The following ARFGEF2 variants were observed in gnomAD, a reference collection of about 807,000 sequenced individuals.
ARFGEF2 encodes the protein brefeldin A-inhibited guanine nucleotide-exchange protein 2.
ARFGEF2 carries 74 observed loss-of-function variants against 219.9 expected under a neutral mutation model. That is an observed-to-expected ratio of 0.34 (90% CI 0.28 to 0.41). The LOEUF (loss-of-function observed/expected upper bound fraction) is 0.41, where lower values mean the gene tolerates loss of function less well. Ranked by LOEUF, ARFGEF2 falls within the 10% of genes least tolerant of loss-of-function variation. The pLI is 1.00. For synonymous variants in ARFGEF2, 733 were observed against 799.2 expected (o/e 0.92, Z 1.40); for missense variants, 1,743 against 2,218.3 (o/e 0.79, Z 4.30).
Position 48,969,127 on chromosome 20 carries a change from A to T in ARFGEF2, c.1060-20A>T. The stretch of plus-strand genomic sequence containing the variant: ...AGGTGGGTGCCACCACACCCAGCTG[A>T]TGTTTGTTTCTGATCCTAGGAATCG... On this transcript the variant is annotated intron_variant, in intron 8 of 38. Transcript: ENST00000371917. 6.2e-7 allele frequency: 1 copy of T among 1,613,338 alleles called. No individual in the cohort carries two copies. The highest frequency in any genetic ancestry group is 8.5e-7 in the Non-Finnish European group (1 of 1,179,738).
At chr20:48,947,968 C>T (rs1199272840) in intron 3 of ARFGEF2, among the ~76,000 whole-genome samples, 1 of 152,174 alleles carries the variant, frequency 6.6e-6, no homozygotes, top group African/African-American at 2.4e-5. Flanking sequence ...CTTTTTACAT[C>T]CCAGTGAAGG....
intron 12 of ARFGEF2, 105 bp from the exon 13 acceptor site, chr20:48,974,661 C>G (rs755322261): frequency 1.6e-5 from 13 of 827,698 alleles, no homozygotes; most frequent in Non-Finnish European, 2.4e-5. Context: ...CACTGACTGT[C>G]AGTGATTTCT....
chr20:48,985,642 A>C (rs1379091086), intron 16 of ARFGEF2, 29 bp downstream of exon 16: 2 of 1,610,204 alleles, frequency 1.2e-6, no homozygotes, highest in African/African-American at 2.7e-5. Flanking sequence ...TCCCTTCCAG[A>C]TCATCTGTTT....
intron 6 of ARFGEF2, among the ~76,000 whole-genome samples, chr20:48,962,030 A>G (rs1020630422): frequency 8.6e-5 from 13 of 151,204 alleles, no homozygotes; most frequent in African/African-American, 2.9e-4. Flanking sequence ...AATACAAAAA[A>G]TTAGCTGGGC....
At chr20:48,970,632 A>T (rs1000967614) in intron 9 of ARFGEF2, among the ~76,000 whole-genome samples, 2 of 152,040 alleles carry the variant, frequency 1.3e-5, no homozygotes, top group Non-Finnish European at 2.9e-5. Flanking sequence ...ATAAATAAAT[A>T]AAATAAAATA....
chr20:49,033,057 T>C lies in ARFGEF2; in HGVS notation c.5216T>C (p.Leu1739Ser). The C allele has an allele frequency of 6.2e-7, 1 of 1,614,180 alleles. No homozygotes were observed. Among genetic ancestry groups the C allele is most frequent in the Non-Finnish European group, 8.5e-7 (1 of 1,180,018 alleles). The stretch of plus-strand genomic sequence containing the variant: ...CATGCTTCAATGTACTACCCCTACT[T>C]GTGTGAAATTATGCAGTTTGACCTG... ...KAHASMYYPY[L>S]CEIMQFDLIP... is the part of the protein sequence containing the mutation. The change falls in exon 39 of 39, where the codon TTG becomes TCG. Residue 1739 changes from leucine (L) to serine (S), a missense_variant. Physicochemically the swap from Leu to Ser is moderately radical, Grantham distance 145. This residue lies in a region of ARFGEF2 where 578 missense variants were observed against 664.0 expected (regional missense o/e 0.87). Coordinates refer to ENST00000371917, the MANE Select transcript of ARFGEF2 (RefSeq NM_006420.3).
chr20:48,937,325 C>T (rs950702736), intron 1 of ARFGEF2, among the ~76,000 whole-genome samples: 14 of 152,368 alleles, frequency 9.2e-5, no homozygotes, highest in African/African-American at 3.1e-4. Flanking sequence ...TGGGCTTCCT[C>T]CCATCCCTTA....
chr20:48,989,024 A>G (rs768163234), intron 18 of ARFGEF2, among the ~76,000 whole-genome samples: 1 of 152,156 alleles, frequency 6.6e-6, no homozygotes, highest in Non-Finnish European at 1.5e-5. Context: ...GTAGTGGTTT[A>G]GAGTGTGGCT....
chr20:49,010,353 C>A lies in ARFGEF2; in HGVS notation c.3706C>A (p.His1236Asn). Reference sequence around the variant, plus strand: ...CGTGTTCCACCAGGCAGCCTCTGATCATGATGGGAACATTGTGGAGCTGGC... The same window carrying A: ...CGTGTTCCACCAGGCAGCCTCTGATAATGATGGGAACATTGTGGAGCTGGC... Reference protein sequence around the residue: ...FAVFHQAASDHDGNIVELAFQ... With the variant: ...FAVFHQAASDNDGNIVELAFQ... Residue 1236 changes from histidine (H) to asparagine (N), a missense_variant, in exon 27 of 39, where the codon CAT (histidine) becomes AAT (asparagine). His to Asn is a moderately conservative substitution (Grantham distance 68, BLOSUM62 1). Transcript: ENST00000371917. 6.2e-7 allele frequency: 1 copy of A among 1,614,214 alleles called. No individual in the cohort carries two copies. The highest frequency in any genetic ancestry group is 8.5e-7 in the Non-Finnish European group (1 of 1,180,044).
In ARFGEF2 at chr20:48,963,874, G is replaced by GTAC; in HGVS notation, c.883_884insTAC (p.Asp295delinsValHis). 6.2e-7 allele frequency: 1 copy of GTAC among 1,614,008 alleles called. No homozygotes were observed. Among genetic ancestry groups the GTAC allele is most frequent in the South Asian group, 1.1e-5 (1 of 91,066 alleles). On this transcript the variant is annotated protein_altering_variant, in exon 7 of 39. Coordinates refer to ENST00000371917, the MANE Select transcript of ARFGEF2 (RefSeq NM_006420.3). ...GGAGGTGGTGAAGGACATCTTGGAA[G>GTAC]ATGTAGTCACATCTGCCATTAAAGG...
rs569855272 is a variant in ARFGEF2 at position 49,031,776 on chromosome 20, C to T, written c.5064-273C>T. 1.7e-4 allele frequency among the ~76,000 whole-genome samples: 26 copies of T among 151,062 alleles called. No homozygotes were observed. In the South Asian group the frequency reaches 5.4e-3, roughly 31 times the overall value. On this transcript the variant is annotated intron_variant, in intron 37 of 38. Transcript: ENST00000371917. ...CTAAAAATCAAAAAAATTAGCCAGG[C>T]ATGGTGGCGCAAGCATGTAGTGTTA...
At chr20:48,994,142 A>G (rs1254941556) in intron 21 of ARFGEF2, among the ~76,000 whole-genome samples, 1 of 152,158 alleles carries the variant, frequency 6.6e-6, no homozygotes, top group Non-Finnish European at 1.5e-5. Flanking sequence ...GAGGTGGGAC[A>G]AGAGATGACA....
Position 48,995,788 on chromosome 20 carries a change from T to C in ARFGEF2, c.3127T>C (p.Leu1043=), listed in dbSNP as rs1568727795. 6.2e-7 allele frequency: 1 copy of C among 1,614,124 alleles called. No homozygotes were observed. Among genetic ancestry groups the C allele is most frequent in the Non-Finnish European group, 8.5e-7 (1 of 1,179,984 alleles). ...EEFMGLGLGN[L]VSGGVDKRQM... ...TTTTGTGCATTGTGTTTCAGGTAATTTGGTGAGTGGCGGAGTGGATAAAAG... is the reference window on the plus strand; with the variant it reads ...TTTTGTGCATTGTGTTTCAGGTAATCTGGTGAGTGGCGGAGTGGATAAAAG... The change falls in exon 23 of 39, where the codon TTG becomes CTG. Residue 1043 remains leucine, a synonymous_variant. Transcript: ENST00000371917.
rs757508758 is a variant in ARFGEF2, at chr20:48,976,052, G to C, written c.1811G>C (p.Gly604Ala). ...CTCACGGATCAGGAAATAGGGGATG[G>C]GAAAGGCCTTGACATGGCAAGACGG... ...ERLTDQEIGD[G>A]KGLDMARRCS... Residue 604 changes from glycine (G) to alanine (A), a missense_variant, in exon 14 of 39, where the codon GGG becomes GCG. Physicochemically the swap from Gly to Ala is moderately conservative, Grantham distance 60. Around this residue, in one of 5 missense-constraint regions of ARFGEF2, gnomAD observed 666 missense variants for 955.4 expected, o/e 0.70. Transcript: ENST00000371917. 1 of 1,612,688 alleles carries C rather than the reference G, an allele frequency of 6.2e-7. No homozygotes were observed. Among genetic ancestry groups the C allele is most frequent in the Admixed American group, 1.7e-5 (1 of 60,000 alleles).
chr20:48,972,767 T>G (rs1176950066), intron 11 of ARFGEF2, among the ~76,000 whole-genome samples: 1 of 152,218 alleles, frequency 6.6e-6, no homozygotes, highest in Non-Finnish European at 1.5e-5. Context: ...CTACGGTAAA[T>G]GTGGATTTAC....
chr20:48,989,777 A>G (rs1024589842), intron 20 of ARFGEF2, 93 bp downstream of exon 20: 61 of 1,574,594 alleles, frequency 3.9e-5, no homozygotes, highest in Non-Finnish European at 4.8e-5. Context: ...TTTTCAGTTA[A>G]TCAAGACTCT....
intron 34 of ARFGEF2, among the ~76,000 whole-genome samples, chr20:49,022,467 GGGGCTGGCTACT>G (rs1438324464): frequency 1.3e-5 from 2 of 152,038 alleles, no homozygotes; most frequent in African/African-American, 4.8e-5. Context: ...CCTCTTCAGA[GGGGCTGGCTACT>G]GCAGGAACCT....
intron 29 of ARFGEF2, 27 bp downstream of exon 29, chr20:49,013,721 C>T: frequency 6.2e-7 from 1 of 1,614,100 alleles, no homozygotes; most frequent in Non-Finnish European, 8.5e-7. Context: ...GCGGTGGCCC[C>T]TTACATCACT....
Position 49,013,699 on chromosome 20 carries a change from C to A in ARFGEF2, c.4049+5C>A, listed in dbSNP as rs548300461. On this transcript the variant is annotated splice_donor_5th_base_variant and intron_variant, in intron 29 of 38. Coordinates refer to ENST00000371917, the MANE Select transcript of ARFGEF2 (RefSeq NM_006420.3). ...CAAGTTAGATGTACGAACAAGGTAACCATGTTCCCGTGCGGTGGCCCCTTA... is the reference window on the plus strand; with the variant it reads ...CAAGTTAGATGTACGAACAAGGTAAACATGTTCCCGTGCGGTGGCCCCTTA... 9.3e-6 allele frequency: 15 copies of A among 1,614,138 alleles called. No individual in the cohort carries two copies. The South Asian group carries it at 1.6e-4, about 18-fold the overall frequency.
Sources: gnomAD v4.1 joint callset for allele counts (sites outside exome capture counted in the v4.1 genomes callset) on GRCh38, gnomAD v4.1.1 for gene constraint, gnomAD v4.1.1 regional missense constraint, MANE v1.5 for transcripts, NCBI Gene and HGNC (gene_info 2026-07-23, HGNC 2026-07-21) for gene names.